ASAP1: variants seen among roughly 807,000 people sequenced by gnomAD.
ASAP1 encodes the protein arf-GAP with SH3 domain, ANK repeat and PH domain-containing protein 1.
Under a neutral mutation model 145.2 loss-of-function variants are expected in ASAP1, and 43 were observed. The ratio of observed to expected loss-of-function variants is 0.30; its 90% CI spans 0.23 to 0.38. The LOEUF (loss-of-function observed/expected upper bound fraction) is 0.38. ASAP1 is among the 10% of genes least tolerant of loss of function. The pLI is 1.00. For synonymous variants in ASAP1, 546 were observed against 515.5 expected, an observed-to-expected ratio of 1.06 and a Z score of -0.80; for missense variants, 1,018 against 1,355.3, an observed-to-expected ratio of 0.75 and a Z score of 3.91.
At chr8:130,287,231 A>G (rs1457310745) in intron 3 of ASAP1, among the ~76,000 whole-genome samples, 2 of 152,236 alleles carry the variant, frequency 1.3e-5, no homozygotes, top group Admixed American at 6.5e-5. Flanking sequence ...GAACTAGCAA[A>G]TAATAGTTAG....
At chr8:130,067,131 C>T (rs1202069306) in intron 27 of ASAP1, among the ~76,000 whole-genome samples, 1 of 152,184 alleles carries the variant, frequency 6.6e-6, no homozygotes, top group Non-Finnish European at 1.5e-5. Context: ...GCACCTATCT[C>T]CTATAAGGCC....
At chr8:130,070,693 GTGATGTCCAAGAACATTCTAA>G (rs973043604) in intron 27 of ASAP1, among the ~76,000 whole-genome samples, 29 of 151,634 alleles carry the variant, frequency 1.9e-4, no homozygotes, top group Non-Finnish European at 2.8e-4. Flanking sequence ...GCTGTCTCAG[GTGATGTCCAAGAACATTCTAA>G]TGGGGAAGGC....
chr8:130,135,370 C>T (rs2097592141), intron 14 of ASAP1, among the ~76,000 whole-genome samples: 1 of 152,084 alleles, frequency 6.6e-6, no homozygotes, highest in South Asian at 2.1e-4. Flanking sequence ...CACCTGTGGT[C>T]CCAGCTACTT....
chr8:130,107,151 T>G (rs2097538155), intron 24 of ASAP1, among the ~76,000 whole-genome samples: 1 of 151,164 alleles, frequency 6.6e-6, no homozygotes, highest in Non-Finnish European at 1.5e-5. Context: ...TTGGGCCTTA[T>G]GAGGAAGAAC....
At chr8:130,145,434 C>T (rs370367108) in intron 13 of ASAP1, among the ~76,000 whole-genome samples, 1 of 152,020 alleles carries the variant, frequency 6.6e-6, no homozygotes, top group East Asian at 1.9e-4. Context: ...TCTCCTGCCT[C>T]AGCCTCCCGA....
intron 5 of ASAP1, among the ~76,000 whole-genome samples, chr8:130,207,690 A>G (rs1224047386): frequency 6.6e-6 from 1 of 152,238 alleles, no homozygotes; most frequent in Non-Finnish European, 1.5e-5. Context: ...ACTTGTAAGT[A>G]TGCCACAAAT....
rs140796919 is a variant in ASAP1, at chr8:130,317,006, G to C, written c.186+41011C>G. Among the ~76,000 whole-genome samples, 579 of 151,654 alleles carry C rather than the reference G, an allele frequency of 3.8e-3. 6 individuals carry two copies. The highest frequency in any genetic ancestry group is 0.013 in the African/African-American group (553 of 41,342). On this transcript the variant is annotated intron_variant, in intron 3 of 29. Transcript: ENST00000518721. ...TTATGTCAGTACAGGCTATGCTGTTGAATGTTCCAGGCCCTACTATCATTT... is the reference window on the plus strand; with the variant it reads ...TTATGTCAGTACAGGCTATGCTGTTCAATGTTCCAGGCCCTACTATCATTT...
chr8:130,234,915 A>T (rs1435656717), intron 4 of ASAP1, among the ~76,000 whole-genome samples: 2 of 152,122 alleles, frequency 1.3e-5, no homozygotes, highest in Admixed American at 1.3e-4. Flanking sequence ...AAAATAGAGA[A>T]GGCACTCAAG....
intron 12 of ASAP1, among the ~76,000 whole-genome samples, chr8:130,157,176 G>A (rs1307245644): frequency 1.3e-5 from 2 of 152,176 alleles, no homozygotes; most frequent in African/African-American, 4.8e-5. Flanking sequence ...TACAATTTAT[G>A]TACACTTTAT....
rs143277191 is a variant in ASAP1 at position 130,112,343 on chromosome 8, G to T, written c.2173-21C>A. ...CTTGGCTGGCAGATGAAATAAGAAG[G>T]TGAGATAATAATCAAGGACCACCCT... On this transcript the variant is annotated intron_variant, in intron 23 of 29. Transcript: ENST00000518721. 1,404 of 1,607,218 alleles carry T rather than the reference G, an allele frequency of 8.7e-4. 5 individuals are homozygous for T. Among genetic ancestry groups the T allele is most frequent in the Middle Eastern group, 6.5e-3 (39 of 6,044 alleles).
At chr8:130,118,363 C>G (rs2097559823) in intron 19 of ASAP1, 117 bp from the exon 20 acceptor site, 17 of 1,337,076 alleles carry the variant, frequency 1.3e-5, no homozygotes, top group Non-Finnish European at 1.8e-5. Context: ...CTCTCATATT[C>G]TCTTGATTTA....
intron 15 of ASAP1, among the ~76,000 whole-genome samples, chr8:130,129,294 T>C (rs1161445430): frequency 6.6e-6 from 1 of 152,176 alleles, no homozygotes. Context: ...TAGAATGATA[T>C]AATCCCAAAT....
chr8:130,308,781 C>G (rs532442479), intron 3 of ASAP1, among the ~76,000 whole-genome samples: 3 of 152,268 alleles, frequency 2.0e-5, no homozygotes, highest in African/African-American at 7.2e-5. Context: ...GTGGCTTACA[C>G]CTGTAATCCC....
intron 19 of ASAP1, 37 bp from the exon 20 acceptor site, chr8:130,118,283 T>TA: frequency 6.3e-7 from 1 of 1,595,276 alleles, no homozygotes; most frequent in Non-Finnish European, 8.6e-7. Context: ...AAGTCAATAA[T>TA]ATGCTCTGCC....
chr8:130,081,102 G>C (rs2097479124), intron 25 of ASAP1, among the ~76,000 whole-genome samples: 1 of 152,224 alleles, frequency 6.6e-6, no homozygotes, highest in African/African-American at 2.4e-5. Context: ...ATCAGTTGCT[G>C]TCAATTGAGG....
chr8:130,108,900 C>G (rs946841311), intron 24 of ASAP1, among the ~76,000 whole-genome samples: 1 of 150,848 alleles, frequency 6.6e-6, no homozygotes, highest in Non-Finnish European at 1.5e-5. Flanking sequence ...CTCAGCCTCC[C>G]GAGTAGCTGG....
chr8:130,181,438 A>G (rs1471147427), intron 7 of ASAP1, among the ~76,000 whole-genome samples: 1 of 152,236 alleles, frequency 6.6e-6, no homozygotes, highest in Non-Finnish European at 1.5e-5. Context: ...CTTTCCTTGA[A>G]TATCGACAGC....
chr8:130,326,089 G>A (rs905021605), intron 3 of ASAP1, among the ~76,000 whole-genome samples: 9 of 152,196 alleles, frequency 5.9e-5, no homozygotes, highest in African/African-American at 1.4e-4. Context: ...CTTAACCACC[G>A]TCTATAGTTC....
At position 130,097,126 on chromosome 8, in the gene ASAP1, C is replaced by CAAA. The variant is rs61591724; in HGVS notation, c.2402-4986_2402-4984dup. ...AGGAGACAGAGTGACAGTTAGTCTC[C>CAAA]AAAAAAAAAAAAAAAAAAAAAAAAA... On this transcript the variant is annotated intron_variant, in intron 24 of 29. Coordinates refer to ENST00000518721, the MANE Select transcript of ASAP1 (RefSeq NM_018482.4). 5.7e-3 allele frequency among the ~76,000 whole-genome samples: 306 copies of CAAA among 53,566 alleles called. 35 individuals carry two copies. The highest frequency in any genetic ancestry group is 9.3e-3 in the Admixed American group (28 of 3,022). 35.1% of individuals were successfully genotyped at this position (53,566 alleles called of 152,430 possible). A position where few individuals can be genotyped will look rare whatever the true frequency, so the allele number is the denominator to read the frequency against.
Sources: allele counts gnomAD v4.1 joint callset (sites outside exome capture counted in the v4.1 genomes callset), GRCh38; gene constraint gnomAD v4.1.1; transcripts MANE v1.5; gene names NCBI Gene and HGNC (gene_info 2026-07-23, HGNC 2026-07-21).